Variants in CCDC185 observed in about 807,000 individuals in gnomAD.
CCDC185 encodes the protein coiled-coil domain-containing protein 185.
For missense variants in CCDC185, 982 were observed against 825.3 expected, an observed-to-expected ratio of 1.19 and a Z score of -2.33; for synonymous variants, 381 against 348.1, an observed-to-expected ratio of 1.09 and a Z score of -1.05.
chr1:223,394,464 T>C lies in CCDC185; in HGVS notation c.989T>C (p.Leu330Pro), dbSNP rs756539010. 1 of 1,571,016 alleles carries C rather than the reference T, an allele frequency of 6.4e-7. No individual in the cohort carries two copies. Among genetic ancestry groups the C allele is most frequent in the South Asian group, 1.2e-5 (1 of 86,210 alleles). ...KTLQSPEQRG[L>P]RRDSQRKNVP... ...CTCCAGAGCCCTGAGCAGCGCGGCCTGCGGCGGGACAGCCAGAGGAAGAAC... is the reference window on the plus strand; with the variant it reads ...CTCCAGAGCCCTGAGCAGCGCGGCCCGCGGCGGGACAGCCAGAGGAAGAAC... Residue 330 changes from leucine (L) to proline (P), a missense_variant, in exon 1 of 1, where the codon CTG (leucine) becomes CCG (proline). Leu to Pro is a moderately conservative substitution (Grantham distance 98). Coordinates refer to ENST00000366875, the MANE Select transcript of CCDC185 (RefSeq NM_152610.3).
chr1:223,393,725 A>G lies in CCDC185; in HGVS notation c.250A>G (p.Ser84Gly), dbSNP rs777772838. Residue 84 changes from serine to glycine, a missense_variant, in exon 1 of 1, where the codon AGC becomes GGC. Coordinates refer to ENST00000366875, the MANE Select transcript of CCDC185 (RefSeq NM_152610.3). This position sits in a 1 kb window ranked among gnomAD's most constrained non-coding sequence, Gnocchi z 4.8. ...CTCAGATTCACTGCGGGGCAGCCGA[A>G]GCCTGAGCGATGTGGCCCGCAGGCC... The part of the protein sequence containing the change: ...GCSDSLRGSR[S>G]LSDVARRPLE... 4 of 1,569,370 alleles carry G rather than the reference A, an allele frequency of 2.5e-6. No individual in the cohort carries two copies. The highest frequency in any genetic ancestry group is 3.4e-6 in the Non-Finnish European group (4 of 1,160,590).
chr1:223,395,184 A>C lies in CCDC185; in HGVS notation c.1709A>C (p.Gln570Pro), dbSNP rs771922058. 6.2e-7 allele frequency: 1 copy of C among 1,614,040 alleles called. No homozygotes were observed. Among genetic ancestry groups the C allele is most frequent in the Non-Finnish European group, 8.5e-7 (1 of 1,180,028 alleles). The change falls in exon 1 of 1, where the codon CAG becomes CCG. Residue 570 changes from glutamine (Q) to proline (P), a missense_variant. Coordinates refer to ENST00000366875, the MANE Select transcript of CCDC185 (RefSeq NM_152610.3). ...AAGGAGGCCATTAAGAAAAAGGAGC[A>C]GAGGGTGCAGCACATTTCCCAAGGG... ...GIKEAIKKKE[Q>P]RVQHISQGKD...
Position 223,394,621 on chromosome 1 carries a change from G to A in CCDC185, c.1146G>A (p.Gln382=). ...KQCQVRRLRE[Q]EKMLRNLREQ... ...GCCAGGTGCGGCGCCTGCGGGAGCA[G>A]GAGAAGATGCTACGGAACCTCCGGG... The change falls in exon 1 of 1, where the codon CAG becomes CAA. Residue 382 remains glutamine (Q), a synonymous_variant. Transcript: ENST00000366875. The A allele has an allele frequency of 6.2e-7, 1 of 1,613,112 alleles. No homozygotes were observed. The highest frequency in any genetic ancestry group is 8.5e-7 in the Non-Finnish European group (1 of 1,179,798).
rs746039667 is a variant in CCDC185, at chr1:223,394,383, G to A, written c.908G>A (p.Arg303Gln). 2.6e-5 allele frequency: 41 copies of A among 1,571,504 alleles called. No homozygotes were observed. Among genetic ancestry groups the A allele is most frequent in the Non-Finnish European group, 3.2e-5 (37 of 1,158,904 alleles). Residue 303 changes from arginine to glutamine, a missense_variant, in exon 1 of 1, where the codon CGG becomes CAG. Transcript: ENST00000366875. ...KVQMTLERER[R>Q]LLLRQSQEQW... ...CAGATGACCCTGGAGCGGGAGCGCC[G>A]GCTGCTGCTGCGGCAGAGCCAGGAG...
At position 223,394,986 on chromosome 1, in the gene CCDC185, G is replaced by C. The variant is rs986449971; in HGVS notation, c.1511G>C (p.Arg504Thr). The C allele has an allele frequency of 6.2e-7, 1 of 1,614,022 alleles. No homozygotes were observed. The highest frequency in any genetic ancestry group is 1.3e-5 in the African/African-American group (1 of 74,906). ...GAGGAACAGAGGAAGATGCGCAAAA[G>C]AATTCTGGTGGAGCTGGCGGATGAG... ...ESEEQRKMRKRILVELADEKI... is the reference protein window; with the variant it reads ...ESEEQRKMRKTILVELADEKI... The change falls in exon 1 of 1, where the codon AGA (arginine) becomes ACA (threonine). Residue 504 changes from arginine (R) to threonine (T), a missense_variant. Arg to Thr is a moderately conservative substitution (Grantham distance 71). Transcript: ENST00000366875.
the CCDC185 span, chr1:223,393,500 C>T: frequency 2.0e-6 from 3 of 1,513,566 alleles, no homozygotes; most frequent in Non-Finnish European, 2.6e-6. This position sits in a 1 kb window ranked among gnomAD's most constrained non-coding sequence, Gnocchi z 4.8. Context: ...CCACTTCTCC[C>T]AGCCGCCCTA....
chr1:223,395,448 CATGTAAA>C lies in CCDC185; in HGVS notation c.*104_*110del. ...TAATTGAACATTGATTTTAAAAAAG[CATGTAAA>C]ATAGCTGCAATTTCCTCTCATGAAC... On this transcript the variant is annotated 3_prime_UTR_variant, in exon 1 of 1. Transcript: ENST00000366875. The C allele has an allele frequency of 8.1e-7, 1 of 1,241,464 alleles. No individual in the cohort carries two copies. The highest frequency in any genetic ancestry group is 1.1e-6 in the Non-Finnish European group (1 of 947,954). The allele number at this position is 1,241,464 out of a possible 1,614,324, so 76.9% of individuals were successfully genotyped here.
Position 223,394,355 on chromosome 1 carries a change from G to A in CCDC185, c.880G>A (p.Val294Ile). The A allele has an allele frequency of 1.3e-6, 2 of 1,589,064 alleles. No homozygotes were observed. The highest frequency in any genetic ancestry group is 1.7e-6 in the Non-Finnish European group (2 of 1,167,966). The change falls in exon 1 of 1, where the codon GTC (valine) becomes ATC (isoleucine). Residue 294 changes from valine to isoleucine, a missense_variant. Val to Ile is a conservative substitution (Grantham distance 29). Coordinates refer to ENST00000366875, the MANE Select transcript of CCDC185 (RefSeq NM_152610.3). Reference protein sequence around the residue: ...WEELKRSDQKVQMTLERERRL... With the variant: ...WEELKRSDQKIQMTLERERRL... ...GGAGCTGAAGCGCTCGGATCAGAAG[G>A]TCCAGATGACCCTGGAGCGGGAGCG...
Position 223,393,604 on chromosome 1 carries a change from C to G in CCDC185, c.129C>G (p.Cys43Trp). 1.3e-6 allele frequency: 2 copies of G among 1,526,414 alleles called. No individual in the cohort carries two copies. Among genetic ancestry groups the G allele is most frequent in the Non-Finnish European group, 1.8e-6 (2 of 1,140,272 alleles). The allele number at this position is 1,526,414 out of a possible 1,614,324, so 94.6% of individuals were successfully genotyped here. A position where few individuals can be genotyped will look rare whatever the true frequency, so the allele number is the denominator to read the frequency against. Reference sequence around the variant, plus strand: ...GGTCCGGAGCCGACTCCACCGCGTGCTCCCGGGCCGGGACTCCGGGTGCGG... The same window carrying G: ...GGTCCGGAGCCGACTCCACCGCGTGGTCCCGGGCCGGGACTCCGGGTGCGG... ...GQRSGADSTA[C>W]SRAGTPGAES... The change falls in exon 1 of 1, where the codon TGC becomes TGG. Residue 43 changes from cysteine to tryptophan, a missense_variant. Coordinates refer to ENST00000366875, the MANE Select transcript of CCDC185 (RefSeq NM_152610.3). This position sits in a 1 kb window ranked among gnomAD's most constrained non-coding sequence, Gnocchi z 4.8.
the CCDC185 span, chr1:223,394,653 ACAGCCTG>A: frequency 4.3e-6 from 7 of 1,613,316 alleles, no homozygotes; most frequent in Non-Finnish European, 5.9e-6. Context: ...CGGGAGCAGC[ACAGCCTG>A]CAGCTGCAGA....
At position 223,395,293 on chromosome 1, in the gene CCDC185, T is replaced by A; in HGVS notation, c.1818T>A (p.Asp606Glu). The A allele has an allele frequency of 1.9e-6, 3 of 1,554,878 alleles. No individual in the cohort carries two copies. The highest frequency in any genetic ancestry group is 2.2e-5 in the East Asian group (1 of 44,604). ...EERAPPNSSL[D>E]QMVLEAQLRA... The stretch of plus-strand genomic sequence containing the variant: ...GAGCGCCTCCCAACAGCTCCCTTGA[T>A]CAGATGGTACTAGAGGCCCAGCTCC... Residue 606 changes from aspartate (D) to glutamate (E), a missense_variant, in exon 1 of 1, where the codon GAT becomes GAA. Asp to Glu is a conservative substitution (Grantham distance 45). Coordinates refer to ENST00000366875, the MANE Select transcript of CCDC185 (RefSeq NM_152610.3).
Position 223,395,463 on chromosome 1 carries a change from C to A in CCDC185, c.*116C>A. 1.7e-6 allele frequency: 2 copies of A among 1,160,624 alleles called. No individual in the cohort carries two copies. The highest frequency in any genetic ancestry group is 2.3e-6 in the Non-Finnish European group (2 of 875,078). The allele number at this position is 1,160,624 out of a possible 1,614,324, so 71.9% of individuals were successfully genotyped here. A position where few individuals can be genotyped will look rare whatever the true frequency, so the allele number is the denominator to read the frequency against. On this transcript the variant is annotated 3_prime_UTR_variant, in exon 1 of 1. Coordinates refer to ENST00000366875, the MANE Select transcript of CCDC185 (RefSeq NM_152610.3). Reference sequence around the variant, plus strand: ...TTTAAAAAAGCATGTAAAATAGCTGCAATTTCCTCTCATGAACTGGTTTAT... The same window carrying A: ...TTTAAAAAAGCATGTAAAATAGCTGAAATTTCCTCTCATGAACTGGTTTAT...
chr1:223,395,230 G>A lies in CCDC185; in HGVS notation c.1755G>A (p.Glu585=). The change falls in exon 1 of 1, where the codon GAG becomes GAA. Residue 585 remains glutamate (E), a synonymous_variant. Coordinates refer to ENST00000366875, the MANE Select transcript of CCDC185 (RefSeq NM_152610.3). The part of the protein sequence containing the change: ...ISQGKDPNFQ[E]FQKLPQASRR... Reference sequence around the variant, plus strand: ...AAGGGAAAGACCCAAACTTCCAGGAGTTCCAGAAGCTCCCTCAGGCCTCCA... The same window carrying A: ...AAGGGAAAGACCCAAACTTCCAGGAATTCCAGAAGCTCCCTCAGGCCTCCA... The A allele has an allele frequency of 1.9e-6, 3 of 1,610,842 alleles. No individual in the cohort carries two copies. Among genetic ancestry groups the A allele is most frequent in the Non-Finnish European group, 2.5e-6 (3 of 1,178,916 alleles).
In CCDC185 at chr1:223,394,978, G is replaced by A. The variant is rs149408986; in HGVS notation, c.1503G>A (p.Met501Ile). The change falls in exon 1 of 1, where the codon ATG (methionine) becomes ATA (isoleucine). Residue 501 changes from methionine (M) to isoleucine (I), a missense_variant. By Grantham distance (10) the Met-to-Ile change is conservative. Transcript: ENST00000366875. Reference sequence around the variant, plus strand: ...GGGAGTCAGAGGAACAGAGGAAGATGCGCAAAAGAATTCTGGTGGAGCTGG... The same window carrying A: ...GGGAGTCAGAGGAACAGAGGAAGATACGCAAAAGAATTCTGGTGGAGCTGG... ...RAGESEEQRK[M>I]RKRILVELAD... is the part of the protein sequence containing the mutation. 134 of 1,614,144 alleles carry A rather than the reference G, an allele frequency of 8.3e-5. No individual in the cohort carries two copies. The highest frequency in any genetic ancestry group is 8.2e-4 in the Middle Eastern group (5 of 6,062).
chr1:223,393,534 G>A lies in CCDC185; in HGVS notation c.59G>A (p.Arg20Gln), dbSNP rs75945379. Residue 20 changes from arginine to glutamine, a missense_variant, in exon 1 of 1, where the codon CGG (arginine) becomes CAG (glutamine). Physicochemically the swap from Arg to Gln is conservative, Grantham distance 43. Coordinates refer to ENST00000366875, the MANE Select transcript of CCDC185 (RefSeq NM_152610.3). The surrounding 1 kb of genome is among the most constrained non-coding windows in gnomAD (Gnocchi z 4.8). ...TACCGGGATCTCTGGGAACCCCCGC[G>A]GCCCGGCGGAGAACGAGAGTCCACG... ...PPYRDLWEPP[R>Q]PGGERESTQR... 77,187 of 1,550,558 alleles carry A rather than the reference G, an allele frequency of 0.05. 2,259 individuals carry two copies. The highest frequency in any genetic ancestry group is 0.11 in the East Asian group (4,455 of 41,312).
rs773109036 is a variant in CCDC185 at position 223,393,626 on chromosome 1, G to C, written c.151G>C (p.Ala51Pro). ...TACSRAGTPG[A>P]ESEAGACWLH... Reference sequence around the variant, plus strand: ...GTGCTCCCGGGCCGGGACTCCGGGTGCGGAGAGCGAAGCTGGGGCGTGCTG... The same window carrying C: ...GTGCTCCCGGGCCGGGACTCCGGGTCCGGAGAGCGAAGCTGGGGCGTGCTG... Residue 51 changes from alanine to proline, a missense_variant, in exon 1 of 1, where the codon GCG (alanine) becomes CCG (proline). Ala to Pro is a conservative substitution (Grantham distance 27). Transcript: ENST00000366875. The surrounding 1 kb of genome is among the most constrained non-coding windows in gnomAD (Gnocchi z 4.8). 62 of 1,525,306 alleles carry C rather than the reference G, an allele frequency of 4.1e-5. No homozygotes were observed. The highest frequency in any genetic ancestry group is 5.4e-5 in the Non-Finnish European group (61 of 1,139,538). The allele number at this position is 1,525,306 out of a possible 1,614,324, so 94.5% of individuals were successfully genotyped here.
the CCDC185 span, chr1:223,393,975 AG>A: frequency 6.2e-7 from 1 of 1,614,062 alleles, no homozygotes; most frequent in Admixed American, 1.7e-5. The surrounding 1 kb of genome is among the most constrained non-coding windows in gnomAD (Gnocchi z 4.8). Flanking sequence ...GAAAAGGCAC[AG>A]GGTGGAGACC....
chr1:223,393,579 G>A lies in CCDC185; in HGVS notation c.104G>A (p.Arg35Lys), dbSNP rs759146202. 3.9e-6 allele frequency: 6 copies of A among 1,536,598 alleles called. No homozygotes were observed. In the South Asian group the frequency reaches 5.0e-5, roughly 13 times the overall value. The change falls in exon 1 of 1, where the codon AGG becomes AAG. Residue 35 changes from arginine to lysine, a missense_variant. By Grantham distance (26) the Arg-to-Lys change is conservative. Coordinates refer to ENST00000366875, the MANE Select transcript of CCDC185 (RefSeq NM_152610.3). This position sits in a 1 kb window ranked among gnomAD's most constrained non-coding sequence, Gnocchi z 4.8. Reference sequence around the variant, plus strand: ...TCCACGCAGCGGCTGGGCGGGCAGAGGTCCGGAGCCGACTCCACCGCGTGC... The same window carrying A: ...TCCACGCAGCGGCTGGGCGGGCAGAAGTCCGGAGCCGACTCCACCGCGTGC... ...RESTQRLGGQ[R>K]SGADSTACSR...
rs768137339 is a variant in CCDC185, at chr1:223,394,502, G to A, written c.1027G>A (p.Glu343Lys). The part of the protein sequence containing the change: ...DSQRKNVPPG[E>K]SRWKEQPEDQ... ...CCAGAGGAAGAACGTGCCCCCGGGG[G>A]AAAGCCGGTGGAAGGAGCAACCAGA... The change falls in exon 1 of 1, where the codon GAA becomes AAA. Residue 343 changes from glutamate (E) to lysine (K), a missense_variant. Physicochemically the swap from Glu to Lys is moderately conservative, Grantham distance 56. Transcript: ENST00000366875. The A allele has an allele frequency of 1.3e-6, 2 of 1,587,252 alleles. No individual in the cohort carries two copies. Among genetic ancestry groups the A allele is most frequent in the Non-Finnish European group, 1.7e-6 (2 of 1,167,740 alleles).
Sources: allele counts gnomAD v4.1 joint callset, GRCh38; gene constraint gnomAD v4.1.1; non-coding constraint Gnocchi (gnomAD v3.1); transcripts MANE v1.5; gene names NCBI Gene and HGNC (gene_info 2026-07-23, HGNC 2026-07-21).